Variants in LY75 observed in about 807,000 individuals in gnomAD.
LY75 encodes the protein C-type lectin domain family 13 member B.
LY75 carries 185 observed loss-of-function variants against 231.7 expected under a neutral mutation model. The observed-to-expected ratio is 0.80, with a 90% CI of 0.71 to 0.90. The LOEUF (loss-of-function observed/expected upper bound fraction) is 0.90. LY75 is among the 40% of genes least tolerant of loss of function. LY75 has a pLI of 0.00. For missense variants in LY75, 1,947 were observed against 2,050.2 expected (o/e 0.95, Z 0.97); for synonymous variants, 668 against 689.0 (o/e 0.97, Z 0.48).
At chr2:159,833,126 T>C (rs1683715418) in intron 27 of LY75, among the ~76,000 whole-genome samples, 1 of 141,398 alleles carries the variant, frequency 7.1e-6, no homozygotes, top group Non-Finnish European at 1.5e-5. Context: ...TCTTTCCCCC[T>C]TCCTTTTTTT....
intron 5 of LY75, among the ~76,000 whole-genome samples, chr2:159,886,018 T>C (rs1018790136): frequency 3.3e-5 from 5 of 152,170 alleles, no homozygotes; most frequent in Admixed American, 6.6e-5. Context: ...TTGGGTGCTA[T>C]AGTGGGGAGA....
rs1232138789 is a variant in LY75, at chr2:159,881,074, G to T, written c.1404+9C>A. On this transcript the variant is annotated intron_variant, in intron 8 of 34. Transcript: ENST00000263636. Reference sequence around the variant, plus strand: ...GAAGAATATAAAGAAACCACAGGAGGTTTCGTACCTCTCCTAAGTAGGAAA... The same window carrying T: ...GAAGAATATAAAGAAACCACAGGAGTTTTCGTACCTCTCCTAAGTAGGAAA... 9 of 1,611,688 alleles carry T rather than the reference G, an allele frequency of 5.6e-6. No individual in the cohort carries two copies. The East Asian group carries it at 1.8e-4, about 32-fold the overall frequency.
chr2:159,857,474 G>A (rs1684580443), intron 16 of LY75, among the ~76,000 whole-genome samples: 1 of 152,206 alleles, frequency 6.6e-6, no homozygotes, highest in African/African-American at 2.4e-5. Context: ...GGGTGCAGTG[G>A]CTCATGCCTG....
At chr2:159,886,999 A>T (rs1040408885) in intron 4 of LY75, among the ~76,000 whole-genome samples, 2 of 151,842 alleles carry the variant, frequency 1.3e-5, no homozygotes, top group Admixed American at 6.6e-5. Flanking sequence ...CCTTGCCCTC[A>T]TGAGAATTTC....
At chr2:159,895,626 C>T (rs1040798155) in intron 2 of LY75, among the ~76,000 whole-genome samples, 1 of 152,170 alleles carries the variant, frequency 6.6e-6, no homozygotes, top group Admixed American at 6.5e-5. Flanking sequence ...TCAAGTGATA[C>T]ATTCAGGCAC....
chr2:159,874,938 ATT>A lies in LY75; in HGVS notation c.1974+504_1974+505del, dbSNP rs371890395. On this transcript the variant is annotated intron_variant, in intron 12 of 34. Coordinates refer to ENST00000263636, the MANE Select transcript of LY75 (RefSeq NM_002349.4). ...TATAAATATATTTATAAATATATAT[ATT>A]GTAAATATATTTATAAATATATTTA... Among the ~76,000 whole-genome samples the A allele has an allele frequency of 9.0e-3, 1,254 of 138,564 alleles. 82 individuals are homozygous for A. The East Asian group carries it at 0.15, about 16-fold the overall frequency. The allele number at this position is 138,564 out of a possible 152,430, so 90.9% of individuals were successfully genotyped here.
chr2:159,805,365 A>G, intron 34 of LY75, 143 bp from the exon 35 acceptor site: 1 of 558,734 alleles, frequency 1.8e-6, no homozygotes, highest in African/African-American at 1.9e-5. Context: ...TAGCGCTAAC[A>G]TAGAATTCAA....
At chr2:159,888,831 G>T (rs145895281) in intron 4 of LY75, among the ~76,000 whole-genome samples, 11 of 152,244 alleles carry the variant, frequency 7.2e-5, no homozygotes, top group African/African-American at 2.6e-4. Flanking sequence ...CTAAATACTT[G>T]TGGGTGACTT....
At chr2:159,882,605 C>T (rs1442884858) in intron 6 of LY75, among the ~76,000 whole-genome samples, 1 of 152,138 alleles carries the variant, frequency 6.6e-6, no homozygotes. Flanking sequence ...GGGAGATTGC[C>T]CTTAGTCCAA....
At chr2:159,806,892 G>C in intron 34 of LY75, 81 bp downstream of exon 34, 1 of 1,483,202 alleles carries the variant, frequency 6.7e-7, no homozygotes, top group African/African-American at 1.4e-5. Context: ...ACTAAATACA[G>C]AATTTTGTAC....
At chr2:159,827,591 A>G (rs1475014011) in intron 28 of LY75, among the ~76,000 whole-genome samples, 22 of 152,242 alleles carry the variant, frequency 1.4e-4, no homozygotes, top group Admixed American at 1.4e-3. Flanking sequence ...CATTTGACCC[A>G]GCAATCCCAT....
Position 159,854,232 on chromosome 2 carries a change from C to T in LY75, c.2595+128G>A, listed in dbSNP as rs990770225. 4.3e-5 allele frequency: 26 copies of T among 600,258 alleles called. 1 individual carries two copies. In the African/African-American group the frequency reaches 4.5e-4, roughly 10 times the overall value. 37.2% of individuals were successfully genotyped at this position (600,258 alleles called of 1,614,324 possible). On this transcript the variant is annotated intron_variant, in intron 18 of 34. Coordinates refer to ENST00000263636, the MANE Select transcript of LY75 (RefSeq NM_002349.4). ...TTCTAACATGAAACAAATTTGGATG[C>T]TGTGAGGCAGATTTTACATTAAAGA...
intron 11 of LY75, among the ~76,000 whole-genome samples, chr2:159,876,483 C>G (rs1459720509): frequency 6.6e-6 from 1 of 152,134 alleles, no homozygotes; most frequent in Non-Finnish European, 1.5e-5. Context: ...AAATAATTGC[C>G]TTGCTACCCT....
chr2:159,894,021 C>A lies in LY75; in HGVS notation c.530G>T (p.Gly177Val). ...RPCEFPFLIDGTWHHDCILDE... is the reference protein window; with the variant it reads ...RPCEFPFLIDVTWHHDCILDE... ...AAGAATGCAATCATGATGCCAGGTCCCATCAATTAAGAATGGAAATTCACA... is the reference window on the plus strand; with the variant it reads ...AAGAATGCAATCATGATGCCAGGTCACATCAATTAAGAATGGAAATTCACA... Residue 177 changes from glycine (G) to valine (V), a missense_variant, in exon 3 of 35, where the codon GGG (glycine) becomes GTG (valine). By Grantham distance (109) the Gly-to-Val change is moderately radical. Coordinates refer to ENST00000263636, the MANE Select transcript of LY75 (RefSeq NM_002349.4). The A allele has an allele frequency of 6.2e-7, 1 of 1,613,764 alleles. No individual in the cohort carries two copies. The highest frequency in any genetic ancestry group is 8.5e-7 in the Non-Finnish European group (1 of 1,179,816).
rs75000607 is a variant in LY75, at chr2:159,899,270, C to T, written c.95-211G>A. Among the ~76,000 whole-genome samples, 54 of 152,246 alleles carry T rather than the reference C, an allele frequency of 3.5e-4. No individual in the cohort carries two copies. In the East Asian group the frequency reaches 9.3e-3, roughly 26 times the overall value. ...CAGAACACGGGCTCTGGAGCCAGTC[C>T]GCCTGGGTCCATATTTTGCTCCTGC... On this transcript the variant is annotated intron_variant, in intron 1 of 34. Coordinates refer to ENST00000263636, the MANE Select transcript of LY75 (RefSeq NM_002349.4).
At chr2:159,885,672 T>C (rs1685563022) in intron 5 of LY75, among the ~76,000 whole-genome samples, 1 of 152,218 alleles carries the variant, frequency 6.6e-6, no homozygotes, top group Non-Finnish European at 1.5e-5. Flanking sequence ...TTAAATTATC[T>C]TTAAATATTC....
At chr2:159,898,606 AT>A in intron 2 of LY75, 81 bp downstream of exon 2, 12 of 1,539,346 alleles carry the variant, frequency 7.8e-6, no homozygotes, top group Non-Finnish European at 1.1e-5. Flanking sequence ...GTACGACTCT[AT>A]TTTTACTAAA....
At chr2:159,875,367 A>G in intron 12 of LY75, 77 bp downstream of exon 12, 1 of 1,550,734 alleles carries the variant, frequency 6.4e-7, no homozygotes, top group Non-Finnish European at 8.7e-7. Context: ...GGAGAAGAGC[A>G]TAATTTGTAC....
At chr2:159,887,985 T>G (rs889264272) in intron 4 of LY75, among the ~76,000 whole-genome samples, 5 of 152,198 alleles carry the variant, frequency 3.3e-5, no homozygotes, top group Admixed American at 2.6e-4. Context: ...ATATTTTTTC[T>G]GAGGCTTCAG....
Sources: allele counts gnomAD v4.1 joint callset (sites outside exome capture counted in the v4.1 genomes callset), GRCh38; gene constraint gnomAD v4.1.1; transcripts MANE v1.5; gene names NCBI Gene and HGNC (gene_info 2026-07-23, HGNC 2026-07-21).